The following OLA1 variants were observed in gnomAD, a reference collection of about 807,000 sequenced individuals.
OLA1 encodes the protein obg-like ATPase 1.
A neutral mutation model predicts 48.4 loss-of-function variants in OLA1; 14 were observed. The observed-to-expected ratio is 0.29, with a 90% CI of 0.19 to 0.45. OLA1 has a LOEUF of 0.45. OLA1 is among the 20% of genes least tolerant of loss of function. The pLI is 1.00. For synonymous variants in OLA1, 127 were observed against 150.4 expected, an observed-to-expected ratio of 0.84 and a Z score of 1.14; for missense variants, 325 against 467.1, an observed-to-expected ratio of 0.70 and a Z score of 2.80.
In OLA1 at chr2:174,218,274, C is replaced by A. The variant is rs77529867; in HGVS notation, c.373+4759G>T. On this transcript the variant is annotated intron_variant, in intron 4 of 10. Transcript: ENST00000284719. ...AACTAGGGCAAGAAAAATAAGTGAC[C>A]CTCCGATAAATGAAGACTGATTCTG... Among the ~76,000 whole-genome samples the A allele has an allele frequency of 2.6e-4, 39 of 151,888 alleles. 1 individual carries two copies. In the East Asian group the frequency reaches 7.4e-3, roughly 29 times the overall value.
intron 4 of OLA1, among the ~76,000 whole-genome samples, chr2:174,202,045 G>GA (rs1404031106): frequency 2.0e-5 from 3 of 151,744 alleles, no homozygotes; most frequent in Admixed American, 6.6e-5. Flanking sequence ...TTGCAAGTTT[G>GA]AAAAAAACTC....
chr2:174,197,071 G>T (rs1648515607), intron 4 of OLA1, among the ~76,000 whole-genome samples: 1 of 152,136 alleles, frequency 6.6e-6, no homozygotes, highest in African/African-American at 2.4e-5. Flanking sequence ...GTGGCAAGTT[G>T]TTTTTTTGTG....
rs189129648 is a variant in OLA1, at chr2:174,151,146, T to C, written c.374-9146A>G. ...GAGCCAATCATGAGTCTTACATGAA[T>C]GAGTAATACAGAAAGCAGCATTTTA... On this transcript the variant is annotated intron_variant, in intron 4 of 10. Coordinates refer to ENST00000284719, the MANE Select transcript of OLA1 (RefSeq NM_013341.5). 1.3e-3 allele frequency among the ~76,000 whole-genome samples: 198 copies of C among 152,228 alleles called. 3 individuals are homozygous for C. The highest frequency in any genetic ancestry group is 4.0e-3 in the African/African-American group (166 of 41,538).
At chr2:174,120,608 T>A (rs991925221) in intron 7 of OLA1, among the ~76,000 whole-genome samples, 2 of 152,240 alleles carry the variant, frequency 1.3e-5, no homozygotes, top group Admixed American at 1.3e-4. Context: ...CAATGACTAA[T>A]GCTTGCAGCC....
Position 174,228,223 on chromosome 2 carries a change from C to T in OLA1, c.245+1085G>A, listed in dbSNP as rs367897676. On this transcript the variant is annotated intron_variant, in intron 3 of 10. Transcript: ENST00000284719. The stretch of plus-strand genomic sequence containing the variant: ...GACAGAAACCTGGGATTTATCAGGA[C>T]ATTAAAAATAGTAAAATATTAAAAA... Among the ~76,000 whole-genome samples the T allele has an allele frequency of 5.9e-5, 9 of 152,082 alleles. No individual in the cohort carries two copies. The South Asian group carries it at 8.3e-4, about 14-fold the overall frequency.
At chr2:174,077,742 T>G (rs1027046018) in intron 10 of OLA1, among the ~76,000 whole-genome samples, 5 of 152,034 alleles carry the variant, frequency 3.3e-5, no homozygotes, top group African/African-American at 7.2e-5. Flanking sequence ...AGGCTTACCA[T>G]TTTAAGAGTA....
chr2:174,228,651 G>A (rs781346892), intron 3 of OLA1, among the ~76,000 whole-genome samples: 1 of 151,704 alleles, frequency 6.6e-6, no homozygotes, highest in Non-Finnish European at 1.5e-5. Flanking sequence ...CAAACATAGA[G>A]GAATATAAGA....
chr2:174,114,172 C>CAAAAAAAA (rs33971592), intron 7 of OLA1, among the ~76,000 whole-genome samples: 2 of 78,182 alleles, frequency 2.6e-5, no homozygotes, highest in African/African-American at 1.2e-4. Context: ...ACTAAAAATA[C>CAAAAAAAA]AAAAAAAAAA....
intron 4 of OLA1, among the ~76,000 whole-genome samples, chr2:174,144,136 A>G (rs1433656570): frequency 6.6e-6 from 1 of 152,062 alleles, no homozygotes; most frequent in Non-Finnish European, 1.5e-5. Flanking sequence ...AAACCTACCA[A>G]AAAAAACCAA....
chr2:174,224,888 A>G (rs1688582051), intron 3 of OLA1, among the ~76,000 whole-genome samples: 1 of 152,202 alleles, frequency 6.6e-6, no homozygotes, highest in African/African-American at 2.4e-5. Flanking sequence ...CTAACTCAAT[A>G]AATCAGCTCT....
chr2:174,127,910 A>G (rs929808610), intron 5 of OLA1, among the ~76,000 whole-genome samples: 5 of 152,072 alleles, frequency 3.3e-5, no homozygotes, highest in African/African-American at 7.2e-5. Flanking sequence ...AGTTAAAATC[A>G]TAATAGGGAT....
intron 4 of OLA1, among the ~76,000 whole-genome samples, chr2:174,195,381 C>A (rs980917851): frequency 6.6e-6 from 1 of 152,160 alleles, no homozygotes; most frequent in African/African-American, 2.4e-5. Context: ...CTTGTACCAA[C>A]TGAAGTCTCA....
intron 5 of OLA1, among the ~76,000 whole-genome samples, chr2:174,126,552 G>A (rs1686048941): frequency 6.6e-6 from 1 of 152,090 alleles, no homozygotes; most frequent in Non-Finnish European, 1.5e-5. Context: ...TTACATGAGT[G>A]GACTAATTCA....
rs1190462614 is a variant in OLA1 at position 174,073,670 on chromosome 2, T to C, written c.*1756A>G. ...ACAAAGTAAAATTGCATGATCCTAATGTCTTTTTACTGATTTCAAACTTCT... is the reference window on the plus strand; with the variant it reads ...ACAAAGTAAAATTGCATGATCCTAACGTCTTTTTACTGATTTCAAACTTCT... On this transcript the variant is annotated 3_prime_UTR_variant, in exon 11 of 11. Coordinates refer to ENST00000284719, the MANE Select transcript of OLA1 (RefSeq NM_013341.5). 2 of 152,254 alleles carry C rather than the reference T, an allele frequency of 1.3e-5. No individual in the cohort carries two copies. The highest frequency in any genetic ancestry group is 2.9e-5 in the Non-Finnish European group (2 of 68,038). 9.4% of individuals were successfully genotyped at this position (152,254 alleles called of 1,614,324 possible). A position where few individuals can be genotyped will look rare whatever the true frequency, so the allele number is the denominator to read the frequency against.
intron 4 of OLA1, among the ~76,000 whole-genome samples, chr2:174,215,900 T>C (rs533711477): frequency 1.4e-4 from 22 of 152,340 alleles, no homozygotes; most frequent in South Asian, 6.2e-4. Flanking sequence ...CATCATCACA[T>C]GAGCAGTTCA....
At chr2:174,109,286 G>A (rs1404369640) in intron 7 of OLA1, among the ~76,000 whole-genome samples, 1 of 151,944 alleles carries the variant, frequency 6.6e-6, no homozygotes, top group Non-Finnish European at 1.5e-5. Context: ...AAACTTCCCA[G>A]TCTACCCCAC....
At chr2:174,227,541 A>G (rs1044737523) in intron 3 of OLA1, among the ~76,000 whole-genome samples, 1 of 152,194 alleles carries the variant, frequency 6.6e-6, no homozygotes, top group Non-Finnish European at 1.5e-5. Flanking sequence ...CTGGGTATGC[A>G]AGGGTATATA....
intron 4 of OLA1, among the ~76,000 whole-genome samples, chr2:174,189,694 A>G (rs66515506): frequency 0.11 from 16,840 of 152,194 alleles, 2,184 homozygotes; most frequent in East Asian, 0.7. Flanking sequence ...ACAAAATGGT[A>G]TAACTCCTAA....
intron 7 of OLA1, 146 bp from the exon 8 acceptor site, chr2:174,082,210 G>T: frequency 1.3e-6 from 1 of 773,646 alleles, no homozygotes; most frequent in Non-Finnish European, 2.1e-6. Flanking sequence ...CAAGGTCAAG[G>T]CATTAACAGG....
Sources: gnomAD v4.1 joint callset for allele counts (sites outside exome capture counted in the v4.1 genomes callset) on GRCh38, gnomAD v4.1.1 for gene constraint, MANE v1.5 for transcripts, NCBI Gene and HGNC (gene_info 2026-07-23, HGNC 2026-07-21) for gene names.